ANKRD30BL: variants seen among roughly 807,000 people sequenced by gnomAD.
The protein encoded by ANKRD30BL is putative ankyrin repeat domain-containing protein 30B-like.
ANKRD30BL carries 20 observed loss-of-function variants against 18.4 expected under a neutral mutation model. The ratio of observed to expected loss-of-function variants is 1.09; its 90% CI spans 0.77 to 1.58. The LOEUF is 1.58. Among genes scored for constraint, ANKRD30BL ranks in the 40% most tolerant of loss-of-function variants. The pLI is 0.00. For missense variants in ANKRD30BL, 224 were observed against 268.6 expected, an observed-to-expected ratio of 0.83 and a Z score of 1.16; for synonymous variants, 72 against 100.9, an observed-to-expected ratio of 0.71 and a Z score of 1.72.
chr2:132,249,790 T>A (rs950231085), intron 1 of ANKRD30BL, among the ~76,000 whole-genome samples: 6 of 152,056 alleles, frequency 3.9e-5, no homozygotes, highest in African/African-American at 1.4e-4. Context: ...TCTCAGAAAC[T>A]TCTGTCAAGT....
At chr2:132,183,377 C>G (rs1209774068) in intron 1 of ANKRD30BL, among the ~76,000 whole-genome samples, 2 of 152,162 alleles carry the variant, frequency 1.3e-5, no homozygotes, top group Admixed American at 6.5e-5. Context: ...GATCTGCCCG[C>G]TTTGGCCTCC....
intron 1 of ANKRD30BL, among the ~76,000 whole-genome samples, chr2:132,228,649 G>A (rs1376922197): frequency 6.6e-6 from 1 of 150,496 alleles, no homozygotes; most frequent in Non-Finnish European, 1.5e-5. Context: ...TTTGTGATGT[G>A]TGCTTACATC....
intron 1 of ANKRD30BL, among the ~76,000 whole-genome samples, chr2:132,235,368 T>G: frequency 6.6e-6 from 1 of 152,032 alleles, no homozygotes; most frequent in East Asian, 1.9e-4. Flanking sequence ...AAATAAAGAG[T>G]ATTCAATTAT....
intron 1 of ANKRD30BL, among the ~76,000 whole-genome samples, chr2:132,214,859 G>A (rs1294275226): frequency 6.6e-6 from 1 of 151,904 alleles, no homozygotes; most frequent in African/African-American, 2.4e-5. Context: ...AAACTAGACA[G>A]AAGCTTTCTG....
At chr2:132,191,487 T>C (rs1018163264) in intron 1 of ANKRD30BL, among the ~76,000 whole-genome samples, 1 of 152,132 alleles carries the variant, frequency 6.6e-6, no homozygotes, top group African/African-American at 2.4e-5. Context: ...ATCCACTTTA[T>C]ACTCCCACCT....
chr2:132,220,280 G>GCCTCTC (rs1204940944), intron 1 of ANKRD30BL, among the ~76,000 whole-genome samples: 2 of 145,478 alleles, frequency 1.4e-5, no homozygotes, highest in African/African-American at 5.2e-5. Flanking sequence ...ACTGTTTTTG[G>GCCTCTC]CCTCTCCCTC....
chr2:132,208,619 T>A (rs1198317914), intron 1 of ANKRD30BL, among the ~76,000 whole-genome samples: 1 of 152,004 alleles, frequency 6.6e-6, no homozygotes, highest in African/African-American at 2.4e-5. Flanking sequence ...AAATTTCAGC[T>A]ATTTACCATT....
intron 1 of ANKRD30BL, among the ~76,000 whole-genome samples, chr2:132,173,501 G>A (rs1688315859): frequency 6.6e-6 from 1 of 151,588 alleles, no homozygotes; most frequent in Admixed American, 6.6e-5. Flanking sequence ...GTTTCACCGT[G>A]TTAGTCAGGA....
chr2:132,227,757 C>T (rs1679887301), intron 1 of ANKRD30BL, among the ~76,000 whole-genome samples: 3 of 152,132 alleles, frequency 2.0e-5, no homozygotes, highest in African/African-American at 7.2e-5. Flanking sequence ...TCAGAATCTT[C>T]TTTGTGATGT....
At chr2:132,175,243 G>C (rs900370392) in intron 1 of ANKRD30BL, among the ~76,000 whole-genome samples, 11 of 151,840 alleles carry the variant, frequency 7.2e-5, no homozygotes, top group Non-Finnish European at 1.2e-4. Flanking sequence ...CAGTAGGAGA[G>C]CAGGGTGATA....
At position 132,239,104 on chromosome 2, in the gene ANKRD30BL, C is replaced by T. The variant is rs571156412; in HGVS notation, n.441+18425G>A. 1.4e-3 allele frequency among the ~76,000 whole-genome samples: 213 copies of T among 151,374 alleles called. 1 individual carries two copies. Among genetic ancestry groups the T allele is most frequent in the African/African-American group, 4.7e-3 (193 of 41,394 alleles). ...GAAGTGGACATTTGGAGCGCTTTAG[C>T]GCCTGTGGTAAAAAAGGAAATATAG... On this transcript the variant is annotated intron_variant and non_coding_transcript_variant, in intron 1 of 4. Coordinates refer to the ANKRD30BL transcript ENST00000470729.
chr2:132,171,147 T>C, intron 1 of ANKRD30BL, among the ~76,000 whole-genome samples: 1 of 115,120 alleles, frequency 8.7e-6, no homozygotes, highest in East Asian at 2.7e-4. Flanking sequence ...AGAGCCAGAC[T>C]CTGTCTCAAA....
chr2:132,162,039 C>T (rs551107845), upstream of ANKRD30BL: 47 of 231,160 alleles, frequency 2.0e-4, no homozygotes, highest in Middle Eastern at 4.7e-3. Context: ...GCACGGCGTG[C>T]AGGTGGCACC....
chr2:132,221,549 G>T (rs1163823987), intron 1 of ANKRD30BL, among the ~76,000 whole-genome samples: 1 of 135,718 alleles, frequency 7.4e-6, no homozygotes, highest in African/African-American at 3.1e-5. Context: ...GGAGGTGGGG[G>T]GGTCAGCCCC....
intron 1 of ANKRD30BL, among the ~76,000 whole-genome samples, chr2:132,180,654 T>C (rs1409228099): frequency 6.6e-6 from 1 of 151,978 alleles, no homozygotes; most frequent in Non-Finnish European, 1.5e-5. Flanking sequence ...AGGTAATTTA[T>C]GTAACTTGCC....
intron 1 of ANKRD30BL, among the ~76,000 whole-genome samples, chr2:132,252,434 C>A (rs1680676203): frequency 6.6e-6 from 1 of 152,172 alleles, no homozygotes; most frequent in Non-Finnish European, 1.5e-5. Flanking sequence ...CAGTGGATCA[C>A]CACCAGGGGC....
In ANKRD30BL at chr2:132,147,775, T is replaced by C. The variant is rs915780334; in HGVS notation, c.*356A>G. 2.3e-5 allele frequency: 6 copies of C among 265,826 alleles called. No individual in the cohort carries two copies. Among genetic ancestry groups the C allele is most frequent in the African/African-American group, 4.3e-5 (2 of 46,160 alleles). The allele number at this position is 265,826 out of a possible 1,614,324, so 16.5% of individuals were successfully genotyped here. A position where few individuals can be genotyped will look rare whatever the true frequency, so the allele number is the denominator to read the frequency against. ...ACTCTAAGCCAATTCAGATTGGCTA[T>C]TTAAAGAGGGCAGGGGTATGAGCTG... is the stretch of plus-strand genomic sequence containing the variant. On this transcript the variant is annotated 3_prime_UTR_variant, in exon 6 of 6. Coordinates refer to ENST00000409867, the MANE Select transcript of ANKRD30BL (RefSeq NM_001358416.1).
intron 1 of ANKRD30BL, among the ~76,000 whole-genome samples, chr2:132,214,192 A>T (rs564676658): frequency 6.6e-6 from 1 of 152,028 alleles, no homozygotes; most frequent in South Asian, 2.1e-4. Flanking sequence ...ATTCTGACAA[A>T]TTTCTTTGCG....
intron 1 of ANKRD30BL, among the ~76,000 whole-genome samples, chr2:132,194,243 A>G (rs1245234095): frequency 2.0e-5 from 3 of 152,222 alleles, no homozygotes; most frequent in Non-Finnish European, 2.9e-5. Context: ...AGAGAGGATC[A>G]TGGGAATTTT....
Sources: allele counts gnomAD v4.1 joint callset (sites outside exome capture counted in the v4.1 genomes callset), GRCh38; gene constraint gnomAD v4.1.1; transcripts MANE v1.5; gene names NCBI Gene and HGNC (gene_info 2026-07-23, HGNC 2026-07-21).